IL20RA: variants seen among roughly 807,000 people sequenced by gnomAD.
IL20RA encodes interleukin-20 receptor subunit alpha.
IL20RA carries 29 observed loss-of-function variants against 36.5 expected under a neutral mutation model. That is an observed-to-expected ratio of 0.79 (90% CI 0.59 to 1.08). The LOEUF (loss-of-function observed/expected upper bound fraction) is 1.08. IL20RA is among the 50% of genes least tolerant of loss of function. The pLI, the probability that IL20RA is intolerant of heterozygous loss-of-function variation, is 0.00. For missense variants in IL20RA, 652 were observed against 668.4 expected, an observed-to-expected ratio of 0.98 and a Z score of 0.27; for synonymous variants, 279 against 267.1, an observed-to-expected ratio of 1.04 and a Z score of -0.43.
intron 1 of IL20RA, among the ~76,000 whole-genome samples, chr6:137,038,601 T>A (rs1355047167): frequency 2.6e-5 from 4 of 152,150 alleles, no homozygotes; most frequent in African/African-American, 9.6e-5. Context: ...AACTGTAGAC[T>A]AAGAAAATGT....
intron 1 of IL20RA, among the ~76,000 whole-genome samples, chr6:137,026,964 C>T (rs932591362): frequency 6.6e-6 from 1 of 152,080 alleles, no homozygotes; most frequent in Non-Finnish European, 1.5e-5. Context: ...TCACTGCAAC[C>T]TCCGCCTCCC....
chr6:137,010,347 C>T (rs771953), intron 3 of IL20RA, among the ~76,000 whole-genome samples: 130,457 of 152,262 alleles, frequency 0.86, 59,411 homozygotes, highest in East Asian at 1. Flanking sequence ...GTGGCTTGTG[C>T]CCCAATAAAA....
chr6:137,004,734 T>C lies in IL20RA; in HGVS notation c.751A>G (p.Ile251Val), dbSNP rs1775217272. 1.3e-6 allele frequency: 2 copies of C among 1,595,952 alleles called. No individual in the cohort carries two copies. The highest frequency in any genetic ancestry group is 2.2e-5 in the East Asian group (1 of 44,590). The stretch of plus-strand genomic sequence containing the variant: ...ACGGGCAAAACATACCAGAAGATGA[T>C]TTTAGCCTTGAACTCTGATGATTGA... The part of the protein sequence containing the change: ...KDQSSEFKAK[I>V]IFWYVLPVSI... The change falls in exon 6 of 7, where the codon ATC (isoleucine) becomes GTC (valine). Residue 251 changes from isoleucine (I) to valine (V), a missense_variant. Coordinates refer to ENST00000316649, the MANE Select transcript of IL20RA (RefSeq NM_014432.4).
chr6:137,020,487 TA>T lies in IL20RA; in HGVS notation c.89-3385del, dbSNP rs745915920. ...AAAGCATCTAAGACAGACCAATCAC[TA>T]AAAAAAAAAAAAAAACCCCTCCATT... On this transcript the variant is annotated intron_variant, in intron 1 of 6. Coordinates refer to ENST00000316649, the MANE Select transcript of IL20RA (RefSeq NM_014432.4). Among the ~76,000 whole-genome samples, 29 of 66,956 alleles carry T rather than the reference TA, an allele frequency of 4.3e-4. 1 individual carries two copies. The highest frequency in any genetic ancestry group is 9.6e-3 in the Middle Eastern group (1 of 104). The allele number at this position is 66,956 out of a possible 152,430, so 43.9% of individuals were successfully genotyped here.
intron 2 of IL20RA, among the ~76,000 whole-genome samples, chr6:137,014,407 A>G (rs566829594): frequency 6.6e-6 from 1 of 152,350 alleles, no homozygotes; most frequent in African/African-American, 2.4e-5. Flanking sequence ...GGACGATATG[A>G]TAGCAGAATA....
intron 2 of IL20RA, among the ~76,000 whole-genome samples, chr6:137,012,431 C>T (rs762674033): frequency 2.6e-5 from 4 of 152,042 alleles, no homozygotes; most frequent in Admixed American, 2.6e-4. Flanking sequence ...TGAGACAGAA[C>T]AGATTTGGGA....
intron 1 of IL20RA, among the ~76,000 whole-genome samples, chr6:137,037,697 C>A (rs185913102): frequency 6.6e-6 from 1 of 151,982 alleles, no homozygotes; most frequent in African/African-American, 2.4e-5. Context: ...GAAGTCAGCC[C>A]GAGATATTGC....
At chr6:137,035,683 T>C (rs1345664869) in intron 1 of IL20RA, among the ~76,000 whole-genome samples, 1 of 152,216 alleles carries the variant, frequency 6.6e-6, no homozygotes, top group Non-Finnish European at 1.5e-5. Flanking sequence ...TCAAAATGGA[T>C]GCATGGGGTA....
intron 1 of IL20RA, among the ~76,000 whole-genome samples, chr6:137,040,188 G>C (rs1362805060): frequency 1.3e-5 from 2 of 152,102 alleles, no homozygotes; most frequent in Admixed American, 6.5e-5. Context: ...GGCTGTAAAT[G>C]AAAGAGGAAG....
In IL20RA at chr6:137,002,332, A is replaced by G; in HGVS notation, c.888T>C (p.Phe296=). The G allele has an allele frequency of 6.3e-7, 1 of 1,598,514 alleles. No individual in the cohort carries two copies. Among genetic ancestry groups the G allele is most frequent in the South Asian group, 1.1e-5 (1 of 88,176 alleles). ...ANLILIYGNE[F]DKRFFVPAEK... is the part of the protein sequence containing the mutation. The stretch of plus-strand genomic sequence containing the variant: ...CAGCAGGCACAAAGAATCTTTTGTC[A>G]AATTCATTTCCATAAATCAAAATCT... The change falls in exon 7 of 7, where the codon TTT becomes TTC. Residue 296 remains phenylalanine, a synonymous_variant. Coordinates refer to ENST00000316649, the MANE Select transcript of IL20RA (RefSeq NM_014432.4).
At chr6:137,030,470 T>TA (rs1191587737) in intron 1 of IL20RA, among the ~76,000 whole-genome samples, 1 of 152,094 alleles carries the variant, frequency 6.6e-6, no homozygotes, top group African/African-American at 2.4e-5. Context: ...TAAATAAGAT[T>TA]AATGGGATGT....
At chr6:137,029,684 AAAAG>A (rs1199765889) in intron 1 of IL20RA, among the ~76,000 whole-genome samples, 1 of 152,198 alleles carries the variant, frequency 6.6e-6, no homozygotes, top group African/African-American at 2.4e-5. Context: ...GGGAAAATAT[AAAAG>A]AAAGAACATG....
In IL20RA at chr6:137,016,986, T is replaced by C; in HGVS notation, c.206A>G (p.Tyr69Cys). 7 of 1,613,782 alleles carry C rather than the reference T, an allele frequency of 4.3e-6. No homozygotes were observed. The highest frequency in any genetic ancestry group is 5.9e-6 in the Non-Finnish European group (7 of 1,179,702). Reference sequence around the variant, plus strand: ...AACTTACATGAAATACTGCACAGTGTAAGTAACTTTAACTCCTTGAAGACC... The same window carrying C: ...AACTTACATGAAATACTGCACAGTGCAAGTAACTTTAACTCCTTGAAGACC... Reference protein sequence around the residue: ...PEGLQGVKVTYTVQYFIYGQK... With the variant: ...PEGLQGVKVTCTVQYFIYGQK... Residue 69 changes from tyrosine (Y) to cysteine (C), a missense_variant, in exon 2 of 7, where the codon TAC becomes TGC. Physicochemically the swap from Tyr to Cys is radical, Grantham distance 194. Transcript: ENST00000316649.
rs1775037740 is a variant in IL20RA, at chr6:137,001,655, TAG to T, written c.1563_1564del (p.Tyr522Ter). The T allele has an allele frequency of 6.2e-7, 1 of 1,614,010 alleles. No homozygotes were observed. Among genetic ancestry groups the T allele is most frequent in the Non-Finnish European group, 8.5e-7 (1 of 1,179,946 alleles). On this transcript the variant is annotated frameshift_variant, in exon 7 of 7. Transcript: ENST00000316649. LOFTEE classifies it low-confidence loss of function (END_TRUNC). The stretch of plus-strand genomic sequence containing the variant: ...TGGCCTGTCTGGAGCCGGCTCCTCA[TAG>T]AGTCTAGATAGAAGACCCTCCTCTC...
intron 1 of IL20RA, among the ~76,000 whole-genome samples, chr6:137,034,599 C>T (rs1292246897): frequency 1.3e-5 from 2 of 152,156 alleles, no homozygotes; most frequent in South Asian, 2.1e-4. Flanking sequence ...GTGTGTTGTT[C>T]CCCTCCCTGT....
chr6:137,034,250 G>C (rs923904817), intron 1 of IL20RA, among the ~76,000 whole-genome samples: 1 of 151,920 alleles, frequency 6.6e-6, no homozygotes, highest in Non-Finnish European at 1.5e-5. Flanking sequence ...TTGTTTGTTT[G>C]TTCATTTTTA....
At chr6:137,019,404 C>G (rs1349452507) in intron 1 of IL20RA, among the ~76,000 whole-genome samples, 1 of 151,944 alleles carries the variant, frequency 6.6e-6, no homozygotes, top group African/African-American at 2.4e-5. Flanking sequence ...GCTGGGATTA[C>G]AGGTATGAGC....
chr6:137,034,118 T>G (rs1045292984), intron 1 of IL20RA, among the ~76,000 whole-genome samples: 5 of 152,200 alleles, frequency 3.3e-5, no homozygotes, highest in Non-Finnish European at 7.4e-5. Context: ...AGTGGCTTGT[T>G]GAGGCTGCCG....
At chr6:137,038,692 A>C (rs187132400) in intron 1 of IL20RA, among the ~76,000 whole-genome samples, 11 of 152,336 alleles carry the variant, frequency 7.2e-5, no homozygotes, top group Admixed American at 2.0e-4. Flanking sequence ...TACTCCATAA[A>C]ATATATGCTG....
Sources: allele counts gnomAD v4.1 joint callset (sites outside exome capture counted in the v4.1 genomes callset), GRCh38; gene constraint gnomAD v4.1.1; transcripts MANE v1.5; gene names NCBI Gene and HGNC (gene_info 2026-07-23, HGNC 2026-07-21).